The following RNF2 variants were observed in gnomAD, a reference collection of about 807,000 sequenced individuals.
RNF2 encodes the protein E3 ubiquitin-protein ligase RING2.
A neutral mutation model predicts 37.2 loss-of-function variants in RNF2; 6 were observed. The ratio of observed to expected loss-of-function variants is 0.16; its 90% CI spans 0.09 to 0.32. The LOEUF (loss-of-function observed/expected upper bound fraction) is 0.32. Among genes scored for constraint, RNF2 ranks in the 10% least tolerant of loss-of-function variants. The probability of loss-of-function intolerance (pLI) is 1.00; values close to 1 mark genes in which losing one functional copy is unlikely to be tolerated. For missense variants in RNF2, 251 were observed against 404.0 expected, an observed-to-expected ratio of 0.62 and a Z score of 3.25; for synonymous variants, 133 against 132.7, an observed-to-expected ratio of 1.00 and a Z score of -0.02.
chr1:185,082,332 C>T (rs967949946), intron 1 of RNF2, among the ~76,000 whole-genome samples: 1 of 103,822 alleles, frequency 9.6e-6, no homozygotes, highest in African/African-American at 3.0e-5. Flanking sequence ...AGGTTCTTGT[C>T]TCCTCTGCAG....
At chr1:185,077,172 A>G (rs900517515) in intron 1 of RNF2, among the ~76,000 whole-genome samples, 2 of 151,996 alleles carry the variant, frequency 1.3e-5, no homozygotes, top group Non-Finnish European at 2.9e-5. Context: ...CCACCATGTT[A>G]CTGCTTTTTA....
intron 1 of RNF2, among the ~76,000 whole-genome samples, chr1:185,080,496 T>G (rs1199874119): frequency 6.6e-6 from 1 of 152,230 alleles, no homozygotes; most frequent in East Asian, 1.9e-4. Context: ...AGAATTGAGA[T>G]AATGATTTTG....
At chr1:185,091,978 C>T in intron 3 of RNF2, 2 of 325,254 alleles carry the variant, frequency 6.1e-6, no homozygotes, top group Admixed American at 9.5e-5. Context: ...CCGTGGCCGG[C>T]TAGTTTTTTT....
Position 185,077,625 on chromosome 1 carries a change from GT to G in RNF2, c.-2-9914del, listed in dbSNP as rs528747420. Among the ~76,000 whole-genome samples, 332 of 115,646 alleles carry G rather than the reference GT, an allele frequency of 2.9e-3. 9 individuals carry two copies. The highest frequency in any genetic ancestry group is 9.2e-3 in the African/African-American group (281 of 30,492). 75.9% of individuals were successfully genotyped at this position (115,646 alleles called of 152,430 possible). On this transcript the variant is annotated intron_variant, in intron 1 of 6. Coordinates refer to ENST00000367510, the MANE Select transcript of RNF2 (RefSeq NM_007212.4). ...TTTTTAATTGTTAGGAATTAACTTT[GT>G]TTTTTTTTTTTTGGCTAGAAATTTA...
intron 4 of RNF2, among the ~76,000 whole-genome samples, chr1:185,093,874 A>G (rs1651838491): frequency 1.3e-5 from 2 of 152,134 alleles, no homozygotes; most frequent in African/African-American, 2.4e-5. Context: ...TCTCTTTTCA[A>G]TACAAAATCT....
At chr1:185,068,908 C>T (rs149532242) in intron 1 of RNF2, among the ~76,000 whole-genome samples, 2 of 152,206 alleles carry the variant, frequency 1.3e-5, no homozygotes, top group East Asian at 1.9e-4. Context: ...AAAATTTTTA[C>T]GATTAAAGCA....
intron 3 of RNF2, chr1:185,091,967 A>T: frequency 2.8e-6 from 1 of 353,260 alleles, no homozygotes; most frequent in East Asian, 4.5e-5. Flanking sequence ...AGGCATTGCC[A>T]CCGTGGCCGG....
At chr1:185,047,195 G>A (rs1167779191) in intron 1 of RNF2, among the ~76,000 whole-genome samples, 1 of 152,176 alleles carries the variant, frequency 6.6e-6, no homozygotes, top group African/African-American at 2.4e-5. Context: ...ATCCACATTT[G>A]AGGTTAATTA....
At chr1:185,061,516 G>A (rs537387217) in intron 1 of RNF2, among the ~76,000 whole-genome samples, 1 of 152,264 alleles carries the variant, frequency 6.6e-6, no homozygotes, top group South Asian at 2.1e-4. Flanking sequence ...ACGATAGCTA[G>A]CTCATTGTTT....
rs768356678 is a variant in RNF2 at position 185,101,832 on chromosome 1, G to GTTTTTTTTTTTTTTTTTT, written c.*1536_*1553dup. 4.1e-5 allele frequency: 4 copies of GTTTTTTTTTTTTTTTTTT among 97,878 alleles called. No homozygotes were observed. The highest frequency in any genetic ancestry group is 8.1e-5 in the African/African-American group (2 of 24,638). The allele number at this position is 97,878 out of a possible 1,614,324, so 6.1% of individuals were successfully genotyped here. ...AATATTTAAAATCTGTTTTTACAGG[G>GTTTTTTTTTTTTTTTTTT]TTTTTTTTTTTTTTTTTTTTTTGTA... On this transcript the variant is annotated 3_prime_UTR_variant, in exon 7 of 7. Transcript: ENST00000367510.
chr1:185,054,373 G>C (rs1263537313), intron 1 of RNF2, among the ~76,000 whole-genome samples: 1 of 152,200 alleles, frequency 6.6e-6, no homozygotes, highest in African/African-American at 2.4e-5. Flanking sequence ...GGCATCAGAA[G>C]CGACTCCGGA....
intron 1 of RNF2, among the ~76,000 whole-genome samples, chr1:185,057,739 C>CATG (rs1430762436): frequency 2.2e-4 from 34 of 151,662 alleles, no homozygotes; most frequent in Middle Eastern, 6.8e-3. Flanking sequence ...TACAGTCATC[C>CATG]GTCTGTATCC....
chr1:185,076,387 T>C, intron 1 of RNF2, among the ~76,000 whole-genome samples: 1 of 146,294 alleles, frequency 6.8e-6, no homozygotes, highest in Non-Finnish European at 1.5e-5. Flanking sequence ...GTCTCCTGGC[T>C]TTAAGTGATT....
chr1:185,050,516 C>G (rs1650242419), intron 1 of RNF2, among the ~76,000 whole-genome samples: 1 of 152,168 alleles, frequency 6.6e-6, no homozygotes, highest in Non-Finnish European at 1.5e-5. Flanking sequence ...CTTTATTCAT[C>G]TAGATTATAA....
Position 185,100,691 on chromosome 1 carries a change from T to C in RNF2, c.*390T>C, listed in dbSNP as rs114934913. 1,016 of 155,262 alleles carry C rather than the reference T, an allele frequency of 6.5e-3. 22 individuals carry two copies. The highest frequency in any genetic ancestry group is 0.023 in the African/African-American group (978 of 41,682). The allele number at this position is 155,262 out of a possible 1,614,324, so 9.6% of individuals were successfully genotyped here. A position where few individuals can be genotyped will look rare whatever the true frequency, so the allele number is the denominator to read the frequency against. ...ATTTTTAGTCATACAGAATGTTAAA[T>C]ATTATGTATTCTGACTTTTTTTTTC... On this transcript the variant is annotated 3_prime_UTR_variant, in exon 7 of 7. Transcript: ENST00000367510.
chr1:185,088,605 G>A (rs999636677), intron 2 of RNF2, among the ~76,000 whole-genome samples: 3 of 151,728 alleles, frequency 2.0e-5, no homozygotes, highest in African/African-American at 7.3e-5. Flanking sequence ...TGTAGTTAAA[G>A]TGTTTAACAC....
At chr1:185,078,191 G>T (rs1472482996) in intron 1 of RNF2, among the ~76,000 whole-genome samples, 3 of 152,128 alleles carry the variant, frequency 2.0e-5, no homozygotes, top group Non-Finnish European at 4.4e-5. Flanking sequence ...AGGTTGCAGT[G>T]AGCCGAAATC....
intron 1 of RNF2, among the ~76,000 whole-genome samples, chr1:185,085,889 T>G (rs1390355817): frequency 6.6e-6 from 1 of 152,102 alleles, no homozygotes. Context: ...TCACCTCAGG[T>G]GATCTGCCTG....
At chr1:185,097,846 T>G (rs1417528188) in intron 4 of RNF2, among the ~76,000 whole-genome samples, 1 of 152,238 alleles carries the variant, frequency 6.6e-6, no homozygotes, top group Non-Finnish European at 1.5e-5. Context: ...GTAAAATTAT[T>G]AAGTGAATAG....
Sources: gnomAD v4.1 joint callset for allele counts (sites outside exome capture counted in the v4.1 genomes callset) on GRCh38, gnomAD v4.1.1 for gene constraint, MANE v1.5 for transcripts, NCBI Gene and HGNC (gene_info 2026-07-23, HGNC 2026-07-21) for gene names.